Variants in GUCY1A1 observed in about 807,000 individuals in gnomAD.
The protein encoded by GUCY1A1 is guanylate cyclase soluble subunit alpha-1.
In GUCY1A1, 48 loss-of-function variants were observed where a neutral mutation model predicts 64.5. That is an observed-to-expected ratio of 0.74 (90% CI 0.59 to 0.95). The LOEUF is 0.95. Among genes scored for constraint, GUCY1A1 ranks in the 40% least tolerant of loss-of-function variants. GUCY1A1 has a pLI of 0.00. For missense variants in GUCY1A1, 804 were observed against 825.3 expected, an observed-to-expected ratio of 0.97 and a Z score of 0.32; for synonymous variants, 308 against 303.4, an observed-to-expected ratio of 1.02 and a Z score of -0.16.
chr4:155,724,862 A>G (rs561550980), intron 9 of GUCY1A1, among the ~76,000 whole-genome samples: 8 of 152,116 alleles, frequency 5.3e-5, no homozygotes, highest in Non-Finnish European at 1.2e-4. Flanking sequence ...TTCACATATT[A>G]AAATGAACTG....
At chr4:155,725,262 G>C (rs1032350507) in intron 9 of GUCY1A1, among the ~76,000 whole-genome samples, 5 of 152,056 alleles carry the variant, frequency 3.3e-5, no homozygotes, top group Non-Finnish European at 5.9e-5. Flanking sequence ...AGTATTTACT[G>C]GTTAACTGTT....
In GUCY1A1 at chr4:155,667,344, A is replaced by T. The variant is rs1243588724; in HGVS notation, c.-186-2A>T. On this transcript the variant is annotated splice_acceptor_variant, in intron 1 of 9. Coordinates refer to ENST00000506455, the MANE Select transcript of GUCY1A1 (RefSeq NM_001130682.3). LOFTEE classifies it low-confidence loss of function (5UTR_SPLICE). ...ACGCCTGCTCTCTTTCTCCATTCGC[A>T]GTGCGGATTTGCGAGGCGCGCCCTG... 1 of 152,384 alleles carries T rather than the reference A, an allele frequency of 6.6e-6. No individual in the cohort carries two copies. The highest frequency in any genetic ancestry group is 1.5e-5 in the Non-Finnish European group (1 of 68,278). The allele number at this position is 152,384 out of a possible 1,614,324, so 9.4% of individuals were successfully genotyped here.
intron 2 of GUCY1A1, among the ~76,000 whole-genome samples, chr4:155,668,570 A>G (rs762686402): frequency 8.5e-5 from 13 of 152,230 alleles, no homozygotes; most frequent in Non-Finnish European, 1.9e-4. Context: ...ACAAACGTCA[A>G]ACTTTCCTGT....
intron 2 of GUCY1A1, among the ~76,000 whole-genome samples, chr4:155,688,933 T>C (rs1484536028): frequency 2.0e-5 from 3 of 151,918 alleles, no homozygotes; most frequent in Admixed American, 1.3e-4. Flanking sequence ...GAAAGAACTA[T>C]AAGACAGCCT....
chr4:155,700,405 C>T (rs575115650), intron 3 of GUCY1A1, among the ~76,000 whole-genome samples: 38 of 152,148 alleles, frequency 2.5e-4, no homozygotes, highest in Admixed American at 1.4e-3. Context: ...TCTAGAAAAA[C>T]GTTAAGCACT....
At chr4:155,724,876 C>T (rs370231209) in intron 9 of GUCY1A1, among the ~76,000 whole-genome samples, 5 of 151,956 alleles carry the variant, frequency 3.3e-5, no homozygotes, top group South Asian at 2.1e-4. Context: ...TGAACTGGAC[C>T]GAATTAGAAT....
At position 155,734,943 on chromosome 4, in the gene GUCY1A1, CA is replaced by C. The variant is rs1735915610; in HGVS notation, c.*4714del. On this transcript the variant is annotated 3_prime_UTR_variant, in exon 10 of 10. Transcript: ENST00000506455. ...AGCCATAAGCTTACAGTAACGGAGC[CA>C]ATTAATCCTTTGTCATCTTTGTTGA... 2 of 152,014 alleles carry C rather than the reference CA, an allele frequency of 1.3e-5. No individual in the cohort carries two copies. The highest frequency in any genetic ancestry group is 1.9e-4 in the East Asian group (1 of 5,138). 9.4% of individuals were successfully genotyped at this position (152,014 alleles called of 1,614,324 possible). A position where few individuals can be genotyped will look rare whatever the true frequency, so the allele number is the denominator to read the frequency against.
chr4:155,708,878 G>C (rs1276016252), intron 5 of GUCY1A1, among the ~76,000 whole-genome samples: 2 of 151,940 alleles, frequency 1.3e-5, no homozygotes, highest in African/African-American at 4.8e-5. Flanking sequence ...GCTATGAAGA[G>C]GGCACTATTC....
chr4:155,694,551 C>T (rs972597800), intron 2 of GUCY1A1, among the ~76,000 whole-genome samples: 12 of 152,188 alleles, frequency 7.9e-5, no homozygotes, highest in African/African-American at 2.9e-4. Flanking sequence ...CGGTTTTCTA[C>T]AACCAGGGGT....
chr4:155,708,742 A>T (rs947012813), intron 5 of GUCY1A1, among the ~76,000 whole-genome samples: 5 of 152,214 alleles, frequency 3.3e-5, no homozygotes, highest in Non-Finnish European at 2.9e-5. Context: ...CCAAAGTTTC[A>T]GTACATGAAC....
intron 2 of GUCY1A1, among the ~76,000 whole-genome samples, chr4:155,696,377 G>C (rs1374389089): frequency 6.6e-6 from 1 of 152,096 alleles, no homozygotes; most frequent in Non-Finnish European, 1.5e-5. Flanking sequence ...GAATGTAGTA[G>C]TACAAGCATG....
intron 9 of GUCY1A1, among the ~76,000 whole-genome samples, chr4:155,727,697 A>G (rs969152713): frequency 5.9e-5 from 9 of 151,758 alleles, no homozygotes; most frequent in African/African-American, 1.7e-4. Flanking sequence ...AAACAAGATG[A>G]CACTCATGTA....
chr4:155,726,042 A>T (rs1560969297), intron 9 of GUCY1A1, among the ~76,000 whole-genome samples: 3 of 152,008 alleles, frequency 2.0e-5, no homozygotes. Context: ...GTTTATATAC[A>T]CATGCATGAA....
chr4:155,700,943 A>G (rs1296346302), intron 3 of GUCY1A1, among the ~76,000 whole-genome samples: 1 of 152,204 alleles, frequency 6.6e-6, no homozygotes, highest in Non-Finnish European at 1.5e-5. Context: ...TTGTTGGGGT[A>G]TGGAGCAGTC....
intron 8 of GUCY1A1, 76 bp from the exon 9 acceptor site, chr4:155,721,962 C>T (rs545328893): frequency 2.8e-4 from 275 of 996,138 alleles, no homozygotes; most frequent in Non-Finnish European, 3.7e-4. Flanking sequence ...ATAATTTAGA[C>T]GGTATTCAAA....
intron 2 of GUCY1A1, 37 bp from the exon 3 acceptor site, chr4:155,696,719 C>T: frequency 3.2e-6 from 2 of 633,348 alleles, no homozygotes; most frequent in South Asian, 4.4e-5. Flanking sequence ...TGCATAAAGT[C>T]ACTCCTCTTT....
At chr4:155,723,365 C>T (rs978163838) in intron 9 of GUCY1A1, among the ~76,000 whole-genome samples, 110 of 152,228 alleles carry the variant, frequency 7.2e-4, no homozygotes, top group African/African-American at 2.5e-3. Context: ...TTTTCACTGT[C>T]GCCTTGACAA....
chr4:155,710,947 G>A lies in GUCY1A1; in HGVS notation c.782G>A (p.Ser261Asn). ...TTGTTGTACTCCGTTCACATGAAAA[G>A]CACCAAGCCATCCCTGTCCCCCAGC... ...PYLLYSVHMK[S>N]TKPSLSPSKP... The change falls in exon 6 of 10, where the codon AGC becomes AAC. Residue 261 changes from serine (S) to asparagine (N), a missense_variant. Transcript: ENST00000506455. 4 of 1,613,590 alleles carry A rather than the reference G, an allele frequency of 2.5e-6. No individual in the cohort carries two copies. Among genetic ancestry groups the A allele is most frequent in the South Asian group, 1.1e-5 (1 of 91,068 alleles).
chr4:155,713,709 T>G (rs1191955766), intron 7 of GUCY1A1, 126 bp downstream of exon 7: 14 of 942,360 alleles, frequency 1.5e-5, no homozygotes, highest in South Asian at 1.7e-5. Flanking sequence ...AGCCCAGTCC[T>G]GGGAGCAGGT....
Sources: allele counts gnomAD v4.1 joint callset (sites outside exome capture counted in the v4.1 genomes callset), GRCh38; gene constraint gnomAD v4.1.1; transcripts MANE v1.5; gene names NCBI Gene and HGNC (gene_info 2026-07-23, HGNC 2026-07-21).